SOCS2: variants seen among roughly 807,000 people sequenced by gnomAD.
SOCS2 encodes suppressor of cytokine signaling 2.
A neutral mutation model predicts 18.6 loss-of-function variants in SOCS2; 10 were observed. That is an observed-to-expected ratio of 0.54 (90% CI 0.33 to 0.91). The LOEUF (loss-of-function observed/expected upper bound fraction) is 0.91, where lower values mean the gene tolerates loss of function less well. Among genes scored for constraint, SOCS2 ranks in the 40% least tolerant of loss-of-function variants. The pLI, the probability that SOCS2 is intolerant of heterozygous loss-of-function variation, is 0.02. For synonymous variants in SOCS2, 104 were observed against 104.0 expected (o/e 1.00, Z 0.00); for missense variants, 231 against 247.2 (o/e 0.93, Z 0.44).
Position 93,573,030 on chromosome 12 carries a change from C to A in SOCS2, c.133C>A (p.Gln45Lys). ...GGCGAAGGCCCTGCGGGAGCTCGGT[C>A]AGACAGGTAGGGAGCCGATCGGCCG... The part of the protein sequence containing the change: ...RLAKALRELG[Q>K]TGWYWGSMTV... The change falls in exon 1 of 2, where the codon CAG becomes AAG. Residue 45 changes from glutamine (Q) to lysine (K), a missense_variant. Physicochemically the swap from Gln to Lys is moderately conservative, Grantham distance 53. This residue lies in a region of SOCS2 where 106 missense variants were observed against 103.8 expected (regional missense o/e 1.02). Transcript: ENST00000551556. The A allele has an allele frequency of 6.4e-7, 1 of 1,565,554 alleles. No homozygotes were observed.
the SOCS2 span, among the ~76,000 whole-genome samples, chr12:93,612,759 A>G: frequency 6.6e-6 from 1 of 152,222 alleles, no homozygotes; most frequent in Non-Finnish European, 1.5e-5. Flanking sequence ...GAATCAATGA[A>G]TCAATGGTGG....
At chr12:93,621,467 A>T in the SOCS2 span, among the ~76,000 whole-genome samples, 1 of 152,146 alleles carries the variant, frequency 6.6e-6, no homozygotes, top group Non-Finnish European at 1.5e-5. Flanking sequence ...TATGACCAGA[A>T]CAAGGTTACT....
At chr12:93,572,616 T>G, upstream of SOCS2, 1 of 647,042 alleles carries the variant, frequency 1.5e-6, no homozygotes, top group East Asian at 3.0e-5. The surrounding 1 kb of genome is among the most constrained non-coding windows in gnomAD (Gnocchi z 5.0). Context: ...CCACGTCTAT[T>G]TCCCCACCCC....
chr12:93,575,013 G>A lies in SOCS2; in HGVS notation c.431G>A (p.Arg144Gln), dbSNP rs141501762. The change falls in exon 2 of 2, where the codon CGG (arginine) becomes CAG (glutamine). Residue 144 changes from arginine to glutamine, a missense_variant. Coordinates refer to ENST00000551556, the MANE Select transcript of SOCS2 (RefSeq NM_001270471.2). Reference protein sequence around the residue: ...KDKRTGPEAPRNGTVHLYLTK... With the variant: ...KDKRTGPEAPQNGTVHLYLTK... ...AAGCGGACAGGTCCAGAAGCCCCCCGGAACGGCACTGTTCACCTTTATCTG... is the reference window on the plus strand; with the variant it reads ...AAGCGGACAGGTCCAGAAGCCCCCCAGAACGGCACTGTTCACCTTTATCTG... 26 of 1,614,022 alleles carry A rather than the reference G, an allele frequency of 1.6e-5. 1 individual carries two copies. In the South Asian group the frequency reaches 2.3e-4, roughly 14 times the overall value.
At chr12:93,615,430 A>G in the SOCS2 span, among the ~76,000 whole-genome samples, 4 of 152,234 alleles carry the variant, frequency 2.6e-5, no homozygotes, top group Non-Finnish European at 5.9e-5. Context: ...GAGTAGATAG[A>G]AAAGGCCTGT....
the SOCS2 span, among the ~76,000 whole-genome samples, chr12:93,622,184 C>T: frequency 1.3e-5 from 2 of 152,240 alleles, no homozygotes; most frequent in South Asian, 4.1e-4. Context: ...CTGACAGCAA[C>T]CCACAGGAGC....
At chr12:93,612,840 C>T in the SOCS2 span, among the ~76,000 whole-genome samples, 64 of 152,276 alleles carry the variant, frequency 4.2e-4, no homozygotes, top group African/African-American at 1.4e-3. Flanking sequence ...AACCCCTACA[C>T]GGGAATTTCT....
At chr12:93,605,735 G>A in the SOCS2 span, among the ~76,000 whole-genome samples, 1 of 152,204 alleles carries the variant, frequency 6.6e-6, no homozygotes, top group African/African-American at 2.4e-5. Context: ...AAGAAAGGGA[G>A]CAGGGAAAGG....
At chr12:93,612,749 G>T in the SOCS2 span, among the ~76,000 whole-genome samples, 1 of 152,146 alleles carries the variant, frequency 6.6e-6, no homozygotes, top group African/African-American at 2.4e-5. Context: ...ATGAACAAAT[G>T]AATCAATGAA....
At chr12:93,619,993 A>G in the SOCS2 span, among the ~76,000 whole-genome samples, 5 of 152,142 alleles carry the variant, frequency 3.3e-5, 1 homozygote, top group Admixed American at 6.6e-5. Flanking sequence ...ATTATTTGAG[A>G]GCTTCTCATC....
At chr12:93,590,938 TATG>T in the SOCS2 span, among the ~76,000 whole-genome samples, 1 of 151,372 alleles carries the variant, frequency 6.6e-6, no homozygotes, top group Admixed American at 6.6e-5. Context: ...TACCTGGTAA[TATG>T]ATGAGTTACT....
At chr12:93,577,748 G>T (rs1014940594), downstream of SOCS2, among the ~76,000 whole-genome samples, 17 of 152,174 alleles carry the variant, frequency 1.1e-4, no homozygotes, top group African/African-American at 3.9e-4. Flanking sequence ...GAACACGCCT[G>T]AAAGGGGAGC....
the SOCS2 span, among the ~76,000 whole-genome samples, chr12:93,591,678 G>A: frequency 6.6e-6 from 1 of 152,162 alleles, no homozygotes; most frequent in Admixed American, 6.5e-5. Context: ...AGACGCGTCC[G>A]GGGCGCCGCT....
the SOCS2 span, among the ~76,000 whole-genome samples, chr12:93,592,026 G>C: frequency 2.6e-4 from 39 of 152,134 alleles, no homozygotes; most frequent in Admixed American, 1.3e-4. Context: ...GTGATAACAT[G>C]CTCATGGTTC....
the SOCS2 span, among the ~76,000 whole-genome samples, chr12:93,612,970 C>G: frequency 6.6e-6 from 1 of 152,132 alleles, no homozygotes; most frequent in Non-Finnish European, 1.5e-5. Context: ...TAGCTCTTAG[C>G]TGTAGCTAAG....
chr12:93,598,696 A>T, the SOCS2 span, among the ~76,000 whole-genome samples: 3 of 152,222 alleles, frequency 2.0e-5, no homozygotes, highest in African/African-American at 7.2e-5. Context: ...CCAATCTATG[A>T]GTACAGTATA....
Position 93,575,908 on chromosome 12 carries a change from G to A in SOCS2, c.*729G>A, listed in dbSNP as rs527831855. On this transcript the variant is annotated 3_prime_UTR_variant, in exon 2 of 2. Transcript: ENST00000551556. ...AAAGACAAGAATATCATGCTATACAGGTGCAACTCAATCCCCGTTAATAAA... is the reference window on the plus strand; with the variant it reads ...AAAGACAAGAATATCATGCTATACAAGTGCAACTCAATCCCCGTTAATAAA... 1 of 152,712 alleles carries A rather than the reference G, an allele frequency of 6.5e-6. No individual in the cohort carries two copies. The highest frequency in any genetic ancestry group is 2.1e-4 in the South Asian group (1 of 4,826). 9.5% of individuals were successfully genotyped at this position (152,712 alleles called of 1,614,324 possible). A position where few individuals can be genotyped will look rare whatever the true frequency, so the allele number is the denominator to read the frequency against.
chr12:93,606,610 G>A, the SOCS2 span, among the ~76,000 whole-genome samples: 17 of 152,064 alleles, frequency 1.1e-4, no homozygotes, highest in African/African-American at 3.1e-4. Context: ...ATCCAGCAAG[G>A]CACTTTGTGG....
chr12:93,587,022 G>A (rs111896883), downstream of SOCS2, among the ~76,000 whole-genome samples: 4 of 152,164 alleles, frequency 2.6e-5, no homozygotes, highest in East Asian at 1.9e-4. Flanking sequence ...ACAAAAATTC[G>A]CCAGGTGTGA....
Sources: allele counts gnomAD v4.1 joint callset (sites outside exome capture counted in the v4.1 genomes callset), GRCh38; gene constraint gnomAD v4.1.1; regional missense constraint gnomAD v4.1.1; non-coding constraint Gnocchi (gnomAD v3.1); transcripts MANE v1.5; gene names NCBI Gene and HGNC (gene_info 2026-07-23, HGNC 2026-07-21).